The following PABPC4L variants were observed in gnomAD, a reference collection of about 807,000 sequenced individuals.
PABPC4L encodes polyadenylate-binding protein 4-like.
For missense variants in PABPC4L, 452 were observed against 451.4 expected, an observed-to-expected ratio of 1.00 and a Z score of -0.01; for synonymous variants, 169 against 164.1, an observed-to-expected ratio of 1.03 and a Z score of -0.23.
the PABPC4L span, among the ~76,000 whole-genome samples, chr4:134,093,533 CA>C: frequency 6.7e-6 from 1 of 149,836 alleles, no homozygotes; most frequent in Non-Finnish European, 1.5e-5. Context: ...TTAAAGTCAT[CA>C]AAGACCAGGA....
chr4:133,959,674 T>C, the PABPC4L span, among the ~76,000 whole-genome samples: 7 of 152,174 alleles, frequency 4.6e-5, no homozygotes, highest in African/African-American at 1.7e-4. Context: ...GAATGGAAGA[T>C]GTGAAAAACA....
the PABPC4L span, among the ~76,000 whole-genome samples, chr4:134,023,117 A>C: frequency 5.9e-5 from 9 of 152,072 alleles, no homozygotes; most frequent in Non-Finnish European, 1.2e-4. Context: ...CAAGTAGAAC[A>C]CAGACCTAGG....
the PABPC4L span, among the ~76,000 whole-genome samples, chr4:134,126,896 C>T: frequency 5.3e-5 from 8 of 152,102 alleles, no homozygotes; most frequent in Non-Finnish European, 1.2e-4. Flanking sequence ...CAGCCCTGCT[C>T]ACTGGCTGTA....
At chr4:134,156,692 C>T in the PABPC4L span, among the ~76,000 whole-genome samples, 3 of 151,642 alleles carry the variant, frequency 2.0e-5, no homozygotes, top group Non-Finnish European at 3.0e-5. Context: ...ATATATAAAT[C>T]TTAAATATTT....
At chr4:134,025,516 A>C in the PABPC4L span, among the ~76,000 whole-genome samples, 1 of 152,130 alleles carries the variant, frequency 6.6e-6, no homozygotes, top group Admixed American at 6.6e-5. Context: ...TTTATCTAAT[A>C]CATTGAACTG....
chr4:133,991,075 G>C, the PABPC4L span, among the ~76,000 whole-genome samples: 1 of 152,136 alleles, frequency 6.6e-6, no homozygotes, highest in South Asian at 2.1e-4. Context: ...GGTTTGTCAA[G>C]CACAGTGATT....
chr4:134,090,637 C>A, the PABPC4L span, among the ~76,000 whole-genome samples: 1 of 152,052 alleles, frequency 6.6e-6, no homozygotes, highest in Middle Eastern at 3.4e-3. Context: ...TGGTGGCATA[C>A]CTGTAGTCCT....
chr4:134,050,028 T>G, the PABPC4L span, among the ~76,000 whole-genome samples: 2 of 152,186 alleles, frequency 1.3e-5, no homozygotes, highest in African/African-American at 4.8e-5. Context: ...TAAATTTAAT[T>G]AAGCAGTTTG....
At chr4:134,077,939 G>C in the PABPC4L span, among the ~76,000 whole-genome samples, 2 of 151,410 alleles carry the variant, frequency 1.3e-5, no homozygotes, top group African/African-American at 4.9e-5. Context: ...ATGCCCATGG[G>C]GGAAAACCAA....
the PABPC4L span, among the ~76,000 whole-genome samples, chr4:134,082,133 T>C: frequency 2.0e-5 from 3 of 152,274 alleles, no homozygotes; most frequent in Middle Eastern, 3.4e-3. Flanking sequence ...TCTGACATGA[T>C]TCAAAAAGAA....
At chr4:133,991,234 T>G in the PABPC4L span, among the ~76,000 whole-genome samples, 1 of 152,186 alleles carries the variant, frequency 6.6e-6, no homozygotes, top group African/African-American at 2.4e-5. Context: ...TCCTTCCATA[T>G]GGCTGTTTGT....
the PABPC4L span, among the ~76,000 whole-genome samples, chr4:133,951,811 T>C: frequency 2.0e-5 from 3 of 152,096 alleles, no homozygotes; most frequent in South Asian, 2.1e-4. Context: ...GTTCCCCTTC[T>C]AGTAACTTAA....
the PABPC4L span, among the ~76,000 whole-genome samples, chr4:134,153,815 T>C: frequency 1.4e-5 from 2 of 141,206 alleles, no homozygotes; most frequent in Admixed American, 1.4e-4. Flanking sequence ...GCCTAGTTTT[T>C]TTTTTTTTTT....
chr4:134,098,823 T>C, the PABPC4L span, among the ~76,000 whole-genome samples: 6 of 151,508 alleles, frequency 4.0e-5, no homozygotes, highest in African/African-American at 1.4e-4. Context: ...TACTAGGAGG[T>C]TGTGATATCC....
chr4:133,949,212 C>A, the PABPC4L span, among the ~76,000 whole-genome samples: 1 of 152,166 alleles, frequency 6.6e-6, no homozygotes, highest in Non-Finnish European at 1.5e-5. Context: ...AGACCTCATT[C>A]CAGCTAGCAC....
the PABPC4L span, among the ~76,000 whole-genome samples, chr4:134,000,042 A>C: frequency 6.6e-6 from 1 of 152,138 alleles, no homozygotes; most frequent in Non-Finnish European, 1.5e-5. Flanking sequence ...TCAATGATGC[A>C]CCTGAAATTT....
the PABPC4L span, among the ~76,000 whole-genome samples, chr4:134,070,589 G>T: frequency 6.6e-6 from 1 of 152,076 alleles, no homozygotes; most frequent in South Asian, 2.1e-4. Flanking sequence ...CTCACATGCC[G>T]CTGGAGGAGG....
At chr4:134,028,547 A>G in the PABPC4L span, among the ~76,000 whole-genome samples, 1 of 151,326 alleles carries the variant, frequency 6.6e-6, no homozygotes, top group African/African-American at 2.4e-5. Context: ...GGTCAACTTC[A>G]CTGTTAATAG....
chr4:134,002,187 G>A, the PABPC4L span, among the ~76,000 whole-genome samples: 6 of 151,496 alleles, frequency 4.0e-5, no homozygotes, highest in East Asian at 5.8e-4. Flanking sequence ...ACTTAAATCC[G>A]GTAAATATTG....
Sources: gnomAD v4.1 joint callset for allele counts (sites outside exome capture counted in the v4.1 genomes callset) on GRCh38, gnomAD v4.1.1 for gene constraint, MANE v1.5 for transcripts, NCBI Gene and HGNC (gene_info 2026-07-23, HGNC 2026-07-21) for gene names.